DGCR2: variants seen among roughly 807,000 people sequenced by gnomAD.
The protein encoded by DGCR2 is DiGeorge syndrome critical region gene 2.
Under a neutral mutation model 51.6 loss-of-function variants are expected in DGCR2, and 24 were observed. That is an observed-to-expected ratio of 0.47 (90% CI 0.34 to 0.65). The LOEUF (loss-of-function observed/expected upper bound fraction) is 0.65, where lower values mean the gene tolerates loss of function less well. Among genes scored for constraint, DGCR2 ranks in the 30% least tolerant of loss-of-function variants. DGCR2 has a pLI of 0.01. For missense variants in DGCR2, 765 were observed against 772.1 expected, an observed-to-expected ratio of 0.99 and a Z score of 0.11; for synonymous variants, 340 against 315.4, an observed-to-expected ratio of 1.08 and a Z score of -0.82.
At chr22:19,060,518 C>T (rs1024154134) in intron 5 of DGCR2, 5 of 168,410 alleles carry the variant, frequency 3.0e-5, no homozygotes, top group East Asian at 3.6e-4. Context: ...ATGAAACACA[C>T]GCTGTTTTCA....
intron 5 of DGCR2, among the ~76,000 whole-genome samples, chr22:19,060,367 G>A (rs2082647559): frequency 6.6e-6 from 1 of 152,144 alleles, no homozygotes; most frequent in Non-Finnish European, 1.5e-5. Flanking sequence ...AGATTTTGGG[G>A]GAGAAAAGAA....
At chr22:19,103,461 C>A (rs1248463720) in intron 1 of DGCR2, among the ~76,000 whole-genome samples, 7 of 115,576 alleles carry the variant, frequency 6.1e-5, no homozygotes, top group African/African-American at 2.2e-4. Context: ...GCCGGAGTCT[C>A]GCTCTGTCAC....
intron 2 of DGCR2, among the ~76,000 whole-genome samples, chr22:19,088,050 C>G (rs1300860827): frequency 6.6e-6 from 1 of 152,142 alleles, no homozygotes; most frequent in Admixed American, 6.5e-5. Context: ...TTTGGAACCC[C>G]CCCTCAAAGA....
Position 19,037,128 on chromosome 22 carries a change from T to A in DGCR2, c.*1737A>T, listed in dbSNP as rs752731464. 6.6e-6 allele frequency: 1 copy of A among 152,278 alleles called. No individual in the cohort carries two copies. The highest frequency in any genetic ancestry group is 1.5e-5 in the Non-Finnish European group (1 of 68,144). 9.4% of individuals were successfully genotyped at this position (152,278 alleles called of 1,614,324 possible). A position where few individuals can be genotyped will look rare whatever the true frequency, so the allele number is the denominator to read the frequency against. Reference sequence around the variant, plus strand: ...TTCCTGCTTCGTCCTCTGCAGCCAGTAGGGGACTCCTGTGGCCAGGACTTC... The same window carrying A: ...TTCCTGCTTCGTCCTCTGCAGCCAGAAGGGGACTCCTGTGGCCAGGACTTC... On this transcript the variant is annotated 3_prime_UTR_variant, in exon 10 of 10. Coordinates refer to ENST00000263196, the MANE Select transcript of DGCR2 (RefSeq NM_005137.3).
intron 1 of DGCR2, among the ~76,000 whole-genome samples, chr22:19,113,222 T>G (rs1601312772): frequency 6.6e-6 from 1 of 151,944 alleles, no homozygotes; most frequent in East Asian, 1.9e-4. Context: ...ATACAAAAAT[T>G]AGCCAGGTGT....
At chr22:19,063,145 CCGAATCAGGGTGACT>C in intron 5 of DGCR2, 42 bp downstream of exon 5, 1 of 1,538,522 alleles carries the variant, frequency 6.5e-7, no homozygotes, top group Non-Finnish European at 9.0e-7. Flanking sequence ...AGGGGAGGCC[CCGAATCAGGGTGACT>C]CTGCCCAGCT....
chr22:19,044,237 G>A (rs899103043), intron 7 of DGCR2, among the ~76,000 whole-genome samples: 3 of 152,154 alleles, frequency 2.0e-5, no homozygotes, highest in Admixed American at 6.5e-5. Context: ...AGAAGCCAGA[G>A]GCCAGCCCAG....
intron 2 of DGCR2, among the ~76,000 whole-genome samples, chr22:19,074,779 C>A (rs1390562741): frequency 6.6e-6 from 1 of 152,048 alleles, no homozygotes; most frequent in African/African-American, 2.4e-5. Flanking sequence ...AAAATCAGTT[C>A]CTCTACAGAT....
At chr22:19,089,310 C>T in intron 2 of DGCR2, 58 bp downstream of exon 2, 8 of 1,504,812 alleles carry the variant, frequency 5.3e-6, no homozygotes, top group Non-Finnish European at 7.2e-6. Context: ...GAGGCACAGT[C>T]ACCCAGCTAC....
chr22:19,064,746 T>C, intron 4 of DGCR2, 102 bp downstream of exon 4: 1 of 1,170,124 alleles, frequency 8.5e-7, no homozygotes, highest in Non-Finnish European at 1.2e-6. Flanking sequence ...ACCTGCTGTC[T>C]GCCAGCTGTG....
At chr22:19,044,414 T>G (rs1036173482) in intron 7 of DGCR2, among the ~76,000 whole-genome samples, 1 of 152,294 alleles carries the variant, frequency 6.6e-6, no homozygotes, top group East Asian at 1.9e-4. Context: ...TGAGCTTGGT[T>G]AAGTGGTAAC....
At chr22:19,068,294 T>C in intron 2 of DGCR2, 69 bp from the exon 3 acceptor site, 1 of 1,464,932 alleles carries the variant, frequency 6.8e-7, no homozygotes, top group Non-Finnish European at 9.0e-7. Context: ...GCCAGCATGG[T>C]TCAGACCACT....
intron 8 of DGCR2, chr22:19,041,591 A>G (rs1388620738): frequency 1.6e-6 from 1 of 619,422 alleles, no homozygotes; most frequent in African/African-American, 1.8e-5. Flanking sequence ...TGACCCTCAG[A>G]GGCCTCCGAG....
intron 6 of DGCR2, among the ~76,000 whole-genome samples, chr22:19,049,644 T>G (rs776817027): frequency 2.6e-5 from 4 of 152,052 alleles, no homozygotes; most frequent in Non-Finnish European, 5.9e-5. Context: ...CTGGCCAACA[T>G]GGCAAAACCC....
At chr22:19,077,211 T>C (rs767336823) in intron 2 of DGCR2, among the ~76,000 whole-genome samples, 1 of 152,244 alleles carries the variant, frequency 6.6e-6, no homozygotes, top group Non-Finnish European at 1.5e-5. Context: ...TTAATTTATC[T>C]ATTGTTTCTT....
chr22:19,096,321 TGGA>T (rs1253129202), intron 1 of DGCR2, among the ~76,000 whole-genome samples: 1 of 151,640 alleles, frequency 6.6e-6, no homozygotes, highest in East Asian at 1.9e-4. Flanking sequence ...AGCTAGAGAG[TGGA>T]GTAGTGGTTA....
intron 7 of DGCR2, chr22:19,048,082 A>G: frequency 6.6e-6 from 2 of 304,046 alleles, no homozygotes; most frequent in Non-Finnish European, 1.3e-5. Context: ...AGTTCCAGCT[A>G]CTGGTGAGGC....
At chr22:19,058,575 C>G (rs1483846994) in intron 5 of DGCR2, among the ~76,000 whole-genome samples, 2 of 152,202 alleles carry the variant, frequency 1.3e-5, no homozygotes. Context: ...ACACTGTTTT[C>G]TTCACTATTT....
chr22:19,076,946 G>A (rs1485078562), intron 2 of DGCR2, among the ~76,000 whole-genome samples: 1 of 151,572 alleles, frequency 6.6e-6, no homozygotes, highest in Non-Finnish European at 1.5e-5. Flanking sequence ...TAGCCAGGAT[G>A]GTCTCGATCT....
Sources: gnomAD v4.1 joint callset for allele counts (sites outside exome capture counted in the v4.1 genomes callset) on GRCh38, gnomAD v4.1.1 for gene constraint, MANE v1.5 for transcripts, NCBI Gene and HGNC (gene_info 2026-07-23, HGNC 2026-07-21) for gene names.